Variants in PKD2L1 observed in about 807,000 individuals in gnomAD.
PKD2L1 encodes the protein polycystin-2-like protein 1.
PKD2L1 carries 77 observed loss-of-function variants against 93.0 expected under a neutral mutation model. The ratio of observed to expected loss-of-function variants is 0.83; its 90% confidence interval spans 0.69 to 1.00. PKD2L1 has a LOEUF of 1.00. Among genes scored for constraint, PKD2L1 ranks in the 50% least tolerant of loss-of-function variants. The pLI is 0.00. For synonymous variants in PKD2L1, 390 were observed against 388.0 expected (o/e 1.01, Z -0.06); for missense variants, 977 against 990.9 (o/e 0.99, Z 0.19).
chr10:100,293,242 C>T, intron 10 of PKD2L1, 39 bp downstream of exon 10: 1 of 1,536,746 alleles, frequency 6.5e-7, no homozygotes, highest in South Asian at 1.1e-5. Context: ...GACTGGGGCA[C>T]TGATGGAAAT....
Position 100,291,309 on chromosome 10 carries a change from C to T in PKD2L1, c.1999G>A (p.Glu667Lys), listed in dbSNP as rs1848400884. 1 of 1,613,530 alleles carries T rather than the reference C, an allele frequency of 6.2e-7. No individual in the cohort carries two copies. The highest frequency in any genetic ancestry group is 1.7e-5 in the Admixed American group (1 of 59,974). Residue 667 changes from glutamate (E) to lysine (K), a missense_variant, in exon 12 of 16, where the codon GAA (glutamate) becomes AAA (lysine). By Grantham distance (56) the Glu-to-Lys change is moderately conservative. Coordinates refer to ENST00000318222, the MANE Select transcript of PKD2L1 (RefSeq NM_016112.3). ...EQEKMRQDLE[E>K]ERVALNTEIE... ...CCATCAGCCCAGCTCACCCTCTCTT[C>T]CTCCAGGTCCTGTCGCATTTTTTCC...
Position 100,295,051 on chromosome 10 carries a change from T to A in PKD2L1, c.1429A>T (p.Ile477Phe), listed in dbSNP as rs1335917198. The A allele has an allele frequency of 1.2e-6, 2 of 1,614,102 alleles. No individual in the cohort carries two copies. The highest frequency in any genetic ancestry group is 2.2e-5 in the South Asian group (2 of 91,074). ...SSTLARCAKD[I>F]LGFAVMFFIV... ...AAGAACATGACGGCGAAGCCCAGGA[T>A]GTCCTTGGCACAGCGGGCCAGCGTG... Residue 477 changes from isoleucine to phenylalanine, a missense_variant, in exon 8 of 16, where the codon ATC becomes TTC. Coordinates refer to ENST00000318222, the MANE Select transcript of PKD2L1 (RefSeq NM_016112.3).
chr10:100,292,717 G>T (rs1848431478), intron 11 of PKD2L1, among the ~76,000 whole-genome samples: 1 of 152,204 alleles, frequency 6.6e-6, no homozygotes, highest in Non-Finnish European at 1.5e-5. Context: ...TGTTTCCTAA[G>T]AGTTGTTCAA....
Position 100,288,398 on chromosome 10 carries a change from A to T in PKD2L1, c.2416T>A (p.Ter806LysextTer2). Residue 806 changes from the stop codon to lysine, a stop_lost, in exon 16 of 16, where the codon TAA becomes AAA. Transcript: ENST00000318222. The stretch of plus-strand genomic sequence containing the variant: ...TTTGCTCCGGGAGTGCCTCACACTT[A>T]ACTCCTCTGCAACGTTGGAATCTCA... Reference protein sequence around the residue: ...RGEIPTLQRS* With the variant: ...RGEIPTLQRSK 1.2e-6 allele frequency: 2 copies of T among 1,604,390 alleles called. No individual in the cohort carries two copies. The highest frequency in any genetic ancestry group is 1.1e-5 in the South Asian group (1 of 90,886).
At chr10:100,318,099 A>G (rs1589679614) in intron 2 of PKD2L1, among the ~76,000 whole-genome samples, 1 of 151,438 alleles carries the variant, frequency 6.6e-6, no homozygotes, top group East Asian at 1.9e-4. Flanking sequence ...AAAAAAAGAG[A>G]GAAGAAAAGA....
intron 2 of PKD2L1, among the ~76,000 whole-genome samples, chr10:100,326,813 T>C (rs1849389481): frequency 6.6e-6 from 1 of 152,218 alleles, no homozygotes; most frequent in African/African-American, 2.4e-5. Flanking sequence ...CAGTGCACAG[T>C]GTTTGACCCA....
chr10:100,305,252 C>T (rs915799299), intron 2 of PKD2L1, among the ~76,000 whole-genome samples: 2 of 151,836 alleles, frequency 1.3e-5, no homozygotes, highest in Middle Eastern at 3.2e-3. Context: ...GCTGGGATTA[C>T]GGGCGCCCGG....
intron 2 of PKD2L1, among the ~76,000 whole-genome samples, chr10:100,318,049 CA>C (rs1486840520): frequency 6.6e-6 from 1 of 151,764 alleles, no homozygotes; most frequent in Non-Finnish European, 1.5e-5. Flanking sequence ...CACTGCACTC[CA>C]GCCTGGGCGA....
rs769463905 is a variant in PKD2L1, at chr10:100,329,339, A to G, written c.236-15T>C. ...TCCCCAAAGTCCTAAGGGGCATGGG[A>G]GAGATGCCTGGGATGCTCAGTGGCA... On this transcript the variant is annotated splice_polypyrimidine_tract_variant and intron_variant, in intron 1 of 15. Transcript: ENST00000318222. 2.4e-5 allele frequency: 38 copies of G among 1,614,104 alleles called. No homozygotes were observed. Among genetic ancestry groups the G allele is most frequent in the Non-Finnish European group, 3.2e-5 (38 of 1,179,990 alleles).
intron 2 of PKD2L1, among the ~76,000 whole-genome samples, chr10:100,315,013 A>G (rs1260533965): frequency 1.0e-4 from 1 of 9,776 alleles, no homozygotes; most frequent in Non-Finnish European, 1.7e-4. Flanking sequence ...GAAGGAAGGA[A>G]GGGAAGGGAA....
At chr10:100,325,017 G>A (rs1849347063) in intron 2 of PKD2L1, among the ~76,000 whole-genome samples, 1 of 152,188 alleles carries the variant, frequency 6.6e-6, no homozygotes, top group South Asian at 2.1e-4. Flanking sequence ...AGGCAGGAGA[G>A]CTCAGTCAGC....
Position 100,299,591 on chromosome 10 carries a change from A to T in PKD2L1, c.477T>A (p.Asp159Glu). Residue 159 changes from aspartate to glutamate, a missense_variant and splice_region_variant, in exon 3 of 16, where the codon GAT becomes GAA. Coordinates refer to ENST00000318222, the MANE Select transcript of PKD2L1 (RefSeq NM_016112.3). ...GGGGTAGAAAAGATCTTATACTCAC[A>T]TCCCAGAAGTCCGCCATGCTGCTGA... The part of the protein sequence containing the change: ...QAISSMADFW[D>E]FAQGPLLDSL... The T allele has an allele frequency of 6.2e-7, 1 of 1,613,850 alleles. No individual in the cohort carries two copies. The highest frequency in any genetic ancestry group is 8.5e-7 in the Non-Finnish European group (1 of 1,179,736).
intron 5 of PKD2L1, 86 bp from the exon 6 acceptor site, chr10:100,297,294 G>T: frequency 6.5e-7 from 1 of 1,539,792 alleles, no homozygotes; most frequent in Non-Finnish European, 9.0e-7. Context: ...CCCCACCACA[G>T]GGTAGGAGTT....
In PKD2L1 at chr10:100,315,391, G is replaced by C. The variant is rs114337361; in HGVS notation, c.349+13820C>G. 6.5e-3 allele frequency among the ~76,000 whole-genome samples: 993 copies of C among 152,022 alleles called. 8 individuals carry two copies. The highest frequency in any genetic ancestry group is 0.022 in the African/African-American group (925 of 41,462). ...ATCATCTAGGTTTTAAGACCTGCAC[G>C]CATTAGATATTTGTCCTAATCCTCT... On this transcript the variant is annotated intron_variant, in intron 2 of 15. Coordinates refer to ENST00000318222, the MANE Select transcript of PKD2L1 (RefSeq NM_016112.3).
At chr10:100,311,119 T>C (rs1848922684) in intron 2 of PKD2L1, among the ~76,000 whole-genome samples, 2 of 152,238 alleles carry the variant, frequency 1.3e-5, no homozygotes, top group Admixed American at 1.3e-4. Context: ...ATTCCCAGAG[T>C]TAGCACCTCC....
intron 2 of PKD2L1, among the ~76,000 whole-genome samples, chr10:100,320,862 C>A (rs886210363): frequency 3.3e-5 from 5 of 152,248 alleles, no homozygotes; most frequent in Middle Eastern, 3.4e-3. Flanking sequence ...CAACACATAG[C>A]AAATACTAAG....
At chr10:100,315,931 G>T (rs143543579) in intron 2 of PKD2L1, among the ~76,000 whole-genome samples, 1 of 152,124 alleles carries the variant, frequency 6.6e-6, no homozygotes, top group East Asian at 1.9e-4. Flanking sequence ...GTTAAAAACA[G>T]TTTTAACACT....
intron 2 of PKD2L1, among the ~76,000 whole-genome samples, chr10:100,300,602 AT>A (rs1458647261): frequency 6.6e-6 from 1 of 152,186 alleles, no homozygotes; most frequent in Non-Finnish European, 1.5e-5. Context: ...AAATTCGGTT[AT>A]GCATTTTTGG....
At chr10:100,291,241 G>A in intron 12 of PKD2L1, 60 bp downstream of exon 12, 1 of 1,558,408 alleles carries the variant, frequency 6.4e-7, no homozygotes, top group Non-Finnish European at 8.7e-7. Flanking sequence ...AGGTATGTTG[G>A]GGGAAGGAGA....
Sources: gnomAD v4.1 joint callset for allele counts (sites outside exome capture counted in the v4.1 genomes callset) on GRCh38, gnomAD v4.1.1 for gene constraint, MANE v1.5 for transcripts, NCBI Gene and HGNC (gene_info 2026-07-23, HGNC 2026-07-21) for gene names.